The following DHRSX variants were observed in gnomAD, a reference collection of about 807,000 sequenced individuals.
DHRSX encodes the protein dehydrogenase/reductase X-linked.
In DHRSX, 31 loss-of-function variants were observed where a neutral mutation model predicts 34.0. The ratio of observed to expected loss-of-function variants is 0.91; its 90% CI spans 0.69 to 1.23. The LOEUF (loss-of-function observed/expected upper bound fraction) is 1.23, where lower values mean the gene tolerates loss of function less well. Among genes scored for constraint, DHRSX ranks in the 50% most tolerant of loss-of-function variants. DHRSX has a pLI of 0.00. For missense variants in DHRSX, 414 were observed against 428.1 expected (o/e 0.97, Z 0.29); for synonymous variants, 201 against 183.8 (o/e 1.09, Z -0.76).
intron 3 of DHRSX, among the ~76,000 whole-genome samples, chrX:2,397,932 A>G (rs1456361280): frequency 1.5e-3 from 220 of 149,834 alleles, no homozygotes; most frequent in African/African-American, 4.8e-3. Context: ...CAGAGCGCGC[A>G]CACACACACA....
chrX:2,314,758 G>A (rs1277863792), intron 3 of DHRSX, among the ~76,000 whole-genome samples: 1 of 151,960 alleles, frequency 6.6e-6, no homozygotes, highest in African/African-American at 2.4e-5. Flanking sequence ...TAGGAATTTG[G>A]GCAAGATAAA....
intron 3 of DHRSX, among the ~76,000 whole-genome samples, chrX:2,347,482 T>C (rs1248266524): frequency 6.6e-6 from 1 of 152,132 alleles, no homozygotes; most frequent in Non-Finnish European, 1.5e-5. Context: ...TCACCTGAGC[T>C]CAGGAGTTCA....
intron 5 of DHRSX, among the ~76,000 whole-genome samples, chrX:2,256,433 T>C (rs1422135060): frequency 7.0e-6 from 1 of 142,066 alleles, no homozygotes; most frequent in Non-Finnish European, 1.5e-5. Context: ...GCAGCTGAGA[T>C]TACAGGCACA....
At chrX:2,402,307 G>A (rs2043496388) in intron 3 of DHRSX, among the ~76,000 whole-genome samples, 1 of 152,260 alleles carries the variant, frequency 6.6e-6, no homozygotes, top group Non-Finnish European at 1.5e-5. Flanking sequence ...AGGTTGTGGG[G>A]ACAAGAATCA....
At chrX:2,284,064 GTTCA>G (rs1380404121) in intron 4 of DHRSX, among the ~76,000 whole-genome samples, 2 of 150,718 alleles carry the variant, frequency 1.3e-5, no homozygotes, top group Admixed American at 6.6e-5. Context: ...GACTTCATTT[GTTCA>G]TTCATTTGAA....
At chrX:2,446,420 G>C (rs1470674536) in intron 1 of DHRSX, among the ~76,000 whole-genome samples, 1 of 151,512 alleles carries the variant, frequency 6.6e-6, no homozygotes, top group Non-Finnish European at 1.5e-5. Context: ...CGTTCCCTAA[G>C]CATGTGGCCC....
chrX:2,292,479 C>T (rs1002709218), intron 3 of DHRSX, among the ~76,000 whole-genome samples: 18 of 152,144 alleles, frequency 1.2e-4, no homozygotes, highest in African/African-American at 3.6e-4. Context: ...AGCCCTTCCA[C>T]GCTGCTGAGT....
chrX:2,489,773 C>T (rs373718839), intron 1 of DHRSX: 23 of 1,613,190 alleles, frequency 1.4e-5, no homozygotes, highest in Non-Finnish European at 1.9e-5. Flanking sequence ...CACCAGTTTG[C>T]GGCAGCGCGA....
At chrX:2,248,516 G>A (rs974380442) in intron 5 of DHRSX, among the ~76,000 whole-genome samples, 2 of 149,970 alleles carry the variant, frequency 1.3e-5, no homozygotes, top group African/African-American at 2.5e-5. Context: ...GGGAGGCTGA[G>A]GCAGGAAAAT....
intron 6 of DHRSX, among the ~76,000 whole-genome samples, chrX:2,233,537 A>T (rs1050660016): frequency 1.3e-5 from 2 of 152,106 alleles, no homozygotes; most frequent in African/African-American, 4.8e-5. Context: ...ACGGTGCAGC[A>T]CCATTTATGG....
chrX:2,408,060 C>T (rs1451277013), intron 3 of DHRSX, among the ~76,000 whole-genome samples: 2 of 152,066 alleles, frequency 1.3e-5, no homozygotes, highest in Non-Finnish European at 2.9e-5. Flanking sequence ...TGGTCTAGCA[C>T]CTGGTCGAAA....
chrX:2,493,401 T>C lies in DHRSX; in HGVS notation c.109+7416A>G, dbSNP rs369499979. Among the ~76,000 whole-genome samples, 3 of 152,168 alleles carry C rather than the reference T, an allele frequency of 2.0e-5. No homozygotes were observed. In the East Asian group the frequency reaches 5.8e-4, roughly 29 times the overall value. The stretch of plus-strand genomic sequence containing the variant: ...AGGTTTACATTCCATTATTATTATT[T>C]GTGCTATTGGGCTGAAAGAGGTCCC... On this transcript the variant is annotated intron_variant, in intron 1 of 6. Transcript: ENST00000334651.
intron 1 of DHRSX, among the ~76,000 whole-genome samples, chrX:2,459,602 T>C (rs2044374056): frequency 6.7e-6 from 1 of 148,948 alleles, no homozygotes; most frequent in Non-Finnish European, 1.5e-5. Context: ...AATATATATA[T>C]ACACACACAC....
At chrX:2,235,756 G>A (rs192494682) in intron 6 of DHRSX, among the ~76,000 whole-genome samples, 3,651 of 132,518 alleles carry the variant, frequency 0.028, 152 homozygotes, top group African/African-American at 0.097. Context: ...AAAAAAAAAA[G>A]GGAACAAAAA....
intron 2 of DHRSX, among the ~76,000 whole-genome samples, chrX:2,412,780 G>C (rs976899762): frequency 1.3e-5 from 2 of 152,136 alleles, no homozygotes; most frequent in African/African-American, 4.8e-5. Context: ...CCTATCCTGT[G>C]ATACAACATG....
At chrX:2,397,537 G>A (rs1021074859) in intron 3 of DHRSX, among the ~76,000 whole-genome samples, 6 of 149,484 alleles carry the variant, frequency 4.0e-5, no homozygotes, top group African/African-American at 9.9e-5. Context: ...GAGAACACTC[G>A]CCTTGTTTCT....
chrX:2,417,126 G>A (rs1211178232), intron 2 of DHRSX, among the ~76,000 whole-genome samples: 1 of 152,198 alleles, frequency 6.6e-6, no homozygotes, highest in Non-Finnish European at 1.5e-5. Context: ...CAGGAGCTCT[G>A]TGGGATAGGA....
intron 1 of DHRSX, among the ~76,000 whole-genome samples, chrX:2,432,404 C>T (rs1185247730): frequency 6.6e-6 from 1 of 151,990 alleles, no homozygotes; most frequent in Non-Finnish European, 1.5e-5. Context: ...CCAAATGAGG[C>T]GGCAAAGAGG....
At chrX:2,484,859 C>G (rs149645208) in intron 1 of DHRSX, among the ~76,000 whole-genome samples, 1,726 of 152,208 alleles carry the variant, frequency 0.011, 15 homozygotes, top group Middle Eastern at 0.02. Flanking sequence ...CTCTGGGCCT[C>G]CTCTGCACTC....
Sources: gnomAD v4.1 joint callset for allele counts (sites outside exome capture counted in the v4.1 genomes callset) on GRCh38, gnomAD v4.1.1 for gene constraint, MANE v1.5 for transcripts, NCBI Gene and HGNC (gene_info 2026-07-23, HGNC 2026-07-21) for gene names.